Variants in PITPNM2 observed in about 807,000 individuals in gnomAD.
PITPNM2 encodes the protein phosphatidylinositol transfer protein membrane associated 2, also known as membrane-associated phosphatidylinositol transfer protein 2.
PITPNM2 carries 35 observed loss-of-function variants against 132.2 expected under a neutral mutation model. That is an observed-to-expected ratio of 0.26 (90% CI 0.20 to 0.35). The LOEUF (loss-of-function observed/expected upper bound fraction) is 0.35. PITPNM2 is among the 10% of genes least tolerant of loss of function. PITPNM2 has a pLI of 1.00. For missense variants in PITPNM2, 1,332 were observed against 1,912.0 expected, an observed-to-expected ratio of 0.70 and a Z score of 5.66; for synonymous variants, 738 against 799.2, an observed-to-expected ratio of 0.92 and a Z score of 1.29.
chr12:123,118,711 C>T (rs949303467), intron 1 of PITPNM2, among the ~76,000 whole-genome samples: 14 of 152,224 alleles, frequency 9.2e-5, no homozygotes, highest in Admixed American at 6.5e-4. Flanking sequence ...CCAGGGTGTA[C>T]GGACAGCTTT....
chr12:123,128,720 C>T (rs1208845322), intron 1 of PITPNM2, among the ~76,000 whole-genome samples: 3 of 151,206 alleles, frequency 2.0e-5, no homozygotes, highest in Admixed American at 6.6e-5. Context: ...CCACTGCACT[C>T]CAGCCTGGGC....
At position 122,994,731 on chromosome 12, in the gene PITPNM2, G is replaced by C; in HGVS notation, c.2233+70C>G. The C allele has an allele frequency of 6.7e-7, 1 of 1,483,242 alleles. No homozygotes were observed. Among genetic ancestry groups the C allele is most frequent in the Non-Finnish European group, 9.0e-7 (1 of 1,107,906 alleles). The allele number at this position is 1,483,242 out of a possible 1,614,324, so 91.9% of individuals were successfully genotyped here. Reference sequence around the variant, plus strand: ...GGACGTGGCCATGATCTCATCACAGGGGTCCACTGAGACCCCCGCCCCCGC... The same window carrying C: ...GGACGTGGCCATGATCTCATCACAGCGGTCCACTGAGACCCCCGCCCCCGC... On this transcript the variant is annotated intron_variant, in intron 15 of 25. Coordinates refer to ENST00000320201, the MANE Select transcript of PITPNM2 (RefSeq NM_020845.3). This position sits in a 1 kb window ranked among gnomAD's most constrained non-coding sequence, Gnocchi z 5.4.
rs2041859744 is a variant in PITPNM2 at position 123,078,471 on chromosome 12, C to G, written c.-96+31914G>C. On this transcript the variant is annotated intron_variant, in intron 2 of 25. Coordinates refer to ENST00000320201, the MANE Select transcript of PITPNM2 (RefSeq NM_020845.3). The surrounding 1 kb of genome is among the most constrained non-coding windows in gnomAD (Gnocchi z 7.3). ...CTCCGTCTCACGCCACGATGCCCAG[C>G]CAGAGCCTGAAGTCGGGACCCCAGA... 1.3e-5 allele frequency among the ~76,000 whole-genome samples: 2 copies of G among 152,194 alleles called. No homozygotes were observed. Among genetic ancestry groups the G allele is most frequent in the Non-Finnish European group, 2.9e-5 (2 of 68,036 alleles).
At chr12:123,002,363 A>T (rs1172176112) in intron 8 of PITPNM2, among the ~76,000 whole-genome samples, 2 of 152,194 alleles carry the variant, frequency 1.3e-5, no homozygotes, top group Non-Finnish European at 2.9e-5. Flanking sequence ...AAATAAAAAT[A>T]AAAAATGCTA....
rs903530306 is a variant in PITPNM2, at chr12:123,078,995, A to G, written c.-96+31390T>C. ...AGTCTGGTCACTTCCTTGAGCTTCT[A>G]TCTCCTTATTACAGACAGAGATGAT... On this transcript the variant is annotated intron_variant, in intron 2 of 25. Transcript: ENST00000320201. The surrounding 1 kb of genome is among the most constrained non-coding windows in gnomAD (Gnocchi z 7.3). Among the ~76,000 whole-genome samples, 5 of 152,202 alleles carry G rather than the reference A, an allele frequency of 3.3e-5. No homozygotes were observed. The highest frequency in any genetic ancestry group is 1.2e-4 in the African/African-American group (5 of 41,448).
In PITPNM2 at chr12:123,058,146, C is replaced by A. The variant is rs1289735302; in HGVS notation, c.-95-23461G>T. 3.3e-5 allele frequency among the ~76,000 whole-genome samples: 5 copies of A among 152,198 alleles called. No homozygotes were observed. The highest frequency in any genetic ancestry group is 7.3e-5 in the Non-Finnish European group (5 of 68,034). ...TTGGGCATTTTGTCGGAAGGATAAACCAAGGCCAGGTGAGATCAGACAATT... is the reference window on the plus strand; with the variant it reads ...TTGGGCATTTTGTCGGAAGGATAAAACAAGGCCAGGTGAGATCAGACAATT... On this transcript the variant is annotated intron_variant, in intron 2 of 25. Transcript: ENST00000320201. The surrounding 1 kb of genome is among the most constrained non-coding windows in gnomAD (Gnocchi z 4.0).
At chr12:123,116,227 C>T (rs2042933929) in intron 1 of PITPNM2, among the ~76,000 whole-genome samples, 1 of 152,166 alleles carries the variant, frequency 6.6e-6, no homozygotes, top group African/African-American at 2.4e-5. Context: ...ACAGGTATTT[C>T]TGCACCAATG....
rs768022904 is a variant in PITPNM2, at chr12:122,986,316, T to C, written c.3761A>G (p.Gln1254Arg). 3.4e-5 allele frequency: 54 copies of C among 1,581,348 alleles called. No individual in the cohort carries two copies. The Admixed American group carries it at 9.3e-4, about 27-fold the overall frequency. ...CCGCGCCCGGTGGCTGTACTTCAGC[T>C]GCGCCAGGTGGGCCGCGTAGCCATC... ...ITDGYAAHLA[Q>R]LKYSHRARPA... is the part of the protein sequence containing the mutation. Residue 1254 changes from glutamine (Q) to arginine (R), a missense_variant, in exon 26 of 26, where the codon CAG becomes CGG. Gln to Arg is a conservative substitution (Grantham distance 43). Around this residue, in one of 6 missense-constraint regions of PITPNM2, gnomAD observed 163 missense variants for 177.2 expected, o/e 0.92. Transcript: ENST00000320201.
chr12:123,098,494 G>A (rs780678261), intron 2 of PITPNM2, among the ~76,000 whole-genome samples: 2 of 152,228 alleles, frequency 1.3e-5, no homozygotes, highest in Middle Eastern at 6.8e-3. Context: ...ATGAGTTCAG[G>A]AGTTCAAGAC....
chr12:123,144,341 G>C (rs1237032861), intron 1 of PITPNM2, among the ~76,000 whole-genome samples: 1 of 152,206 alleles, frequency 6.6e-6, no homozygotes, highest in Non-Finnish European at 1.5e-5. Context: ...AAAATCTCTT[G>C]TGTTAGAGAA....
At chr12:123,041,799 G>T (rs1285888937) in intron 2 of PITPNM2, among the ~76,000 whole-genome samples, 1 of 152,192 alleles carries the variant, frequency 6.6e-6, no homozygotes, top group Non-Finnish European at 1.5e-5. Flanking sequence ...AGGGGTCTGG[G>T]TGGTCGCCCA....
At chr12:123,037,709 A>G (rs1300342254) in intron 2 of PITPNM2, among the ~76,000 whole-genome samples, 1 of 152,142 alleles carries the variant, frequency 6.6e-6, no homozygotes, top group African/African-American at 2.4e-5. Context: ...CTCAGATTCC[A>G]GGCTCACCAG....
chr12:122,988,499 T>C (rs1566229244), intron 19 of PITPNM2, 149 bp from the exon 20 acceptor site: 4 of 804,066 alleles, frequency 5.0e-6, no homozygotes, highest in Non-Finnish European at 8.1e-6. Flanking sequence ...CCAGTAGCCC[T>C]CAGACCCCTG....
intron 3 of PITPNM2, among the ~76,000 whole-genome samples, chr12:123,015,861 G>A (rs2039407265): frequency 6.6e-6 from 1 of 152,158 alleles, no homozygotes; most frequent in African/African-American, 2.4e-5. Context: ...TATCTGATAA[G>A]GGACTTGTAT....
chr12:123,105,715 T>G (rs2042693898), intron 2 of PITPNM2, among the ~76,000 whole-genome samples: 1 of 152,080 alleles, frequency 6.6e-6, no homozygotes, highest in Non-Finnish European at 1.5e-5. Context: ...GCAGGTGGGA[T>G]GAGGTCATCA....
rs1372574076 is a variant in PITPNM2, at chr12:123,068,225, T to C, written c.-95-33540A>G. On this transcript the variant is annotated intron_variant, in intron 2 of 25. Coordinates refer to ENST00000320201, the MANE Select transcript of PITPNM2 (RefSeq NM_020845.3). ...GCTCACGCCTGTAATCCCAGCACTT[T>C]GGGAGGCCAAGGTGGGCGGATCACA... 2.0e-5 allele frequency among the ~76,000 whole-genome samples: 3 copies of C among 151,802 alleles called. No individual in the cohort carries two copies. In the East Asian group the frequency reaches 5.8e-4, roughly 29 times the overall value.
intron 2 of PITPNM2, among the ~76,000 whole-genome samples, chr12:123,044,631 G>C (rs985857423): frequency 1.3e-5 from 2 of 152,158 alleles, no homozygotes; most frequent in Non-Finnish European, 2.9e-5. Flanking sequence ...AAAGGCCCCT[G>C]AGTGCTTACT....
intron 6 of PITPNM2, among the ~76,000 whole-genome samples, chr12:123,006,603 C>T (rs1298166113): frequency 6.6e-6 from 1 of 150,892 alleles, no homozygotes; most frequent in Non-Finnish European, 1.5e-5. Context: ...GTCCCAGCTA[C>T]TTGTGAGGTG....
At position 123,060,320 on chromosome 12, in the gene PITPNM2, C is replaced by T. The variant is rs188961468; in HGVS notation, c.-95-25635G>A. Reference sequence around the variant, plus strand: ...TTTGCACAGGCTGGTGAACTGACACCCTCACCCGTGAGGACCCAGCCCGTC... The same window carrying T: ...TTTGCACAGGCTGGTGAACTGACACTCTCACCCGTGAGGACCCAGCCCGTC... On this transcript the variant is annotated intron_variant, in intron 2 of 25. Transcript: ENST00000320201. Among the ~76,000 whole-genome samples, 6 of 152,328 alleles carry T rather than the reference C, an allele frequency of 3.9e-5. No homozygotes were observed. In the East Asian group the frequency reaches 1.2e-3, roughly 29 times the overall value.
Sources: allele counts gnomAD v4.1 joint callset (sites outside exome capture counted in the v4.1 genomes callset), GRCh38; gene constraint gnomAD v4.1.1; regional missense constraint gnomAD v4.1.1; non-coding constraint Gnocchi (gnomAD v3.1); transcripts MANE v1.5; gene names NCBI Gene and HGNC (gene_info 2026-07-23, HGNC 2026-07-21).